Variants in VTI1A observed in about 807,000 individuals in gnomAD.
VTI1A encodes the protein vesicle transport through interaction with t-SNAREs homolog 1A.
In VTI1A, 22 loss-of-function variants were observed where a neutral mutation model predicts 34.9. The observed-to-expected ratio is 0.63, with a 90% CI of 0.45 to 0.90. The LOEUF (loss-of-function observed/expected upper bound fraction) is 0.90, where lower values mean the gene tolerates loss of function less well. Ranked by LOEUF, VTI1A falls within the 40% of genes least tolerant of loss-of-function variation. VTI1A has a pLI of 0.00. For missense variants in VTI1A, 268 were observed against 275.6 expected (o/e 0.97, Z 0.20); for synonymous variants, 87 against 97.3 (o/e 0.89, Z 0.62).
chr10:112,713,595 A>G (rs1365798095), intron 7 of VTI1A, among the ~76,000 whole-genome samples: 2 of 152,216 alleles, frequency 1.3e-5, no homozygotes. Flanking sequence ...TTAAGAGCAC[A>G]GATCTCCTTG....
chr10:112,709,534 C>T (rs970586694), intron 7 of VTI1A, among the ~76,000 whole-genome samples: 1 of 152,042 alleles, frequency 6.6e-6, no homozygotes, highest in Non-Finnish European at 1.5e-5. Flanking sequence ...CTTAATCTTG[C>T]TCATGCCATT....
intron 5 of VTI1A, among the ~76,000 whole-genome samples, chr10:112,654,506 A>T (rs1173089130): frequency 2.6e-5 from 4 of 151,750 alleles, no homozygotes; most frequent in Non-Finnish European, 2.9e-5. Context: ...TTATTTATTT[A>T]TTTTTTGAGA....
At chr10:112,663,897 A>G (rs772313317) in intron 5 of VTI1A, among the ~76,000 whole-genome samples, 3 of 152,204 alleles carry the variant, frequency 2.0e-5, no homozygotes, top group Non-Finnish European at 4.4e-5. Context: ...GGTGTTCTGC[A>G]ATACATATAT....
At chr10:112,545,842 C>T (rs113757687) in intron 5 of VTI1A, among the ~76,000 whole-genome samples, 14 of 150,978 alleles carry the variant, frequency 9.3e-5, no homozygotes, top group Admixed American at 2.6e-4. Context: ...CACGCGTGCG[C>T]GTGTGTTTGT....
intron 5 of VTI1A, among the ~76,000 whole-genome samples, chr10:112,658,197 C>T (rs1847306966): frequency 6.6e-6 from 1 of 152,192 alleles, no homozygotes; most frequent in Admixed American, 6.5e-5. Flanking sequence ...AAGTGATCTT[C>T]CCGCCTTAGC....
At chr10:112,825,146 G>A in the VTI1A span, 2 of 152,200 alleles carry the variant, frequency 1.3e-5, no homozygotes, top group Non-Finnish European at 2.9e-5. Flanking sequence ...AAGTCCAATG[G>A]GACAGTGGAA....
chr10:112,484,982 T>C (rs1848571363), intron 3 of VTI1A: 1 of 151,900 alleles, frequency 6.6e-6, no homozygotes, highest in Admixed American at 6.6e-5. Context: ...TTAAGATGCT[T>C]TAAGAATGAA....
Position 112,447,446 on chromosome 10 carries a change from A to G in VTI1A, c.73A>G (p.Arg25Gly), listed in dbSNP as rs1428891790. The G allele has an allele frequency of 3.7e-6, 6 of 1,613,496 alleles. No individual in the cohort carries two copies. Among genetic ancestry groups the G allele is most frequent in the African/African-American group, 1.3e-5 (1 of 74,914 alleles). ...LTAEITSKIA[R>G]VPRLPPDEKK... is the part of the protein sequence containing the mutation. ...TGCAGAGATCACCAGCAAGATTGCG[A>G]GGGTCCCACGACTCCCGCCTGGTGA... Residue 25 changes from arginine to glycine, a missense_variant, in exon 1 of 8, where the codon AGG becomes GGG. Transcript: ENST00000393077.
intron 7 of VTI1A, among the ~76,000 whole-genome samples, chr10:112,756,135 G>A (rs1851275356): frequency 6.6e-6 from 1 of 152,168 alleles, no homozygotes; most frequent in Admixed American, 6.5e-5. Flanking sequence ...ATTATGCTCC[G>A]TGGCGTGGAG....
At chr10:112,751,742 T>C (rs1277008005) in intron 7 of VTI1A, among the ~76,000 whole-genome samples, 4 of 152,184 alleles carry the variant, frequency 2.6e-5, no homozygotes, top group Admixed American at 6.5e-5. Context: ...GATTACACAT[T>C]ATAGAATAGT....
At chr10:112,513,222 T>C (rs1849673208) in intron 3 of VTI1A, among the ~76,000 whole-genome samples, 1 of 152,030 alleles carries the variant, frequency 6.6e-6, no homozygotes, top group Non-Finnish European at 1.5e-5. Flanking sequence ...TTCATCAGTA[T>C]TTTATAGTTT....
At chr10:112,774,143 G>C (rs1206900465) in intron 7 of VTI1A, among the ~76,000 whole-genome samples, 2 of 152,192 alleles carry the variant, frequency 1.3e-5, no homozygotes, top group African/African-American at 4.8e-5. Flanking sequence ...CGATGTGGAG[G>C]GTGTTGGAGA....
chr10:112,569,973 A>G (rs1463640517), intron 5 of VTI1A, among the ~76,000 whole-genome samples: 2 of 152,212 alleles, frequency 1.3e-5, no homozygotes, highest in African/African-American at 4.8e-5. Flanking sequence ...TGTCTTTTCT[A>G]TGCAAAGTGT....
chr10:112,722,670 T>C (rs1346262545), intron 7 of VTI1A, among the ~76,000 whole-genome samples: 1 of 152,176 alleles, frequency 6.6e-6, no homozygotes, highest in Non-Finnish European at 1.5e-5. Context: ...TCAGCCCTTG[T>C]TGCTCGTGAG....
At chr10:112,506,557 T>C (rs1223866732) in intron 3 of VTI1A, among the ~76,000 whole-genome samples, 2 of 152,248 alleles carry the variant, frequency 1.3e-5, no homozygotes, top group East Asian at 1.9e-4. Context: ...ATGTAGACGT[T>C]ACACACTGGA....
intron 5 of VTI1A, among the ~76,000 whole-genome samples, chr10:112,611,158 A>G (rs1845294335): frequency 6.6e-6 from 1 of 152,222 alleles, no homozygotes; most frequent in African/African-American, 2.4e-5. Flanking sequence ...AATAATCTTT[A>G]GAAGAAACGA....
intron 5 of VTI1A, among the ~76,000 whole-genome samples, chr10:112,608,211 G>T (rs1175284637): frequency 6.6e-6 from 1 of 152,152 alleles, no homozygotes; most frequent in Admixed American, 6.5e-5. Context: ...TCTTAAAGAA[G>T]ATACCCTTCC....
intron 6 of VTI1A, 91 bp downstream of exon 6, chr10:112,668,379 A>T (rs1266779659): frequency 7.4e-7 from 1 of 1,353,366 alleles, no homozygotes; most frequent in East Asian, 2.5e-5. Flanking sequence ...AATTAGGTAG[A>T]TATATGTGTG....
At chr10:112,738,621 T>C (rs1477808446) in intron 7 of VTI1A, among the ~76,000 whole-genome samples, 1 of 152,212 alleles carries the variant, frequency 6.6e-6, no homozygotes, top group Admixed American at 6.5e-5. Flanking sequence ...TAATCTTTTC[T>C]CCCCAATACA....
Sources: allele counts gnomAD v4.1 joint callset (sites outside exome capture counted in the v4.1 genomes callset), GRCh38; gene constraint gnomAD v4.1.1; transcripts MANE v1.5; gene names NCBI Gene and HGNC (gene_info 2026-07-23, HGNC 2026-07-21).